CDK14: variants seen among roughly 807,000 people sequenced by gnomAD.
The protein encoded by CDK14 is cyclin dependent kinase 14.
Under a neutral mutation model 60.7 loss-of-function variants are expected in CDK14, and 34 were observed. That is an observed-to-expected ratio of 0.56 (90% confidence interval 0.43 to 0.75). The LOEUF (loss-of-function observed/expected upper bound fraction) is 0.75, where lower values mean the gene tolerates loss of function less well. Ranked by LOEUF, CDK14 falls within the 30% of genes least tolerant of loss-of-function variation. CDK14 has a pLI of 0.00. For synonymous variants in CDK14, 197 were observed against 203.7 expected (o/e 0.97, Z 0.28); for missense variants, 482 against 564.1 (o/e 0.85, Z 1.47).
At chr7:91,062,365 C>T (rs961769205) in intron 11 of CDK14, among the ~76,000 whole-genome samples, 1 of 152,192 alleles carries the variant, frequency 6.6e-6, no homozygotes, top group Non-Finnish European at 1.5e-5. Context: ...GGTGATGCCT[C>T]TACCTGCTTC....
chr7:91,014,971 C>A (rs2115837420), intron 10 of CDK14, among the ~76,000 whole-genome samples: 1 of 152,260 alleles, frequency 6.6e-6, no homozygotes, highest in Admixed American at 6.5e-5. Context: ...GTCTTTGAAA[C>A]CTATGTCCAT....
intron 5 of CDK14, among the ~76,000 whole-genome samples, chr7:90,826,049 T>C (rs986452306): frequency 1.3e-5 from 2 of 152,158 alleles, no homozygotes; most frequent in Admixed American, 6.5e-5. Context: ...GCCAATTAAT[T>C]CCAGCTGTTG....
intron 2 of CDK14, among the ~76,000 whole-genome samples, chr7:90,634,078 A>T (rs1800071728): frequency 1.3e-5 from 2 of 152,126 alleles, no homozygotes; most frequent in South Asian, 4.2e-4. Flanking sequence ...TTTATGGTTA[A>T]TATGCATAGA....
chr7:90,775,838 T>C (rs1347673465), intron 4 of CDK14, among the ~76,000 whole-genome samples: 5 of 151,212 alleles, frequency 3.3e-5, no homozygotes, highest in African/African-American at 1.2e-4. Flanking sequence ...TTATTTGGTG[T>C]TTGTTTGCCT....
intron 14 of CDK14, among the ~76,000 whole-genome samples, chr7:91,171,927 A>C: frequency 6.6e-6 from 1 of 152,206 alleles, no homozygotes; most frequent in Admixed American, 6.5e-5. Flanking sequence ...GATGTGAGCC[A>C]CTGCACCCGG....
At chr7:90,757,527 T>C (rs1804128908) in intron 4 of CDK14, among the ~76,000 whole-genome samples, 1 of 152,192 alleles carries the variant, frequency 6.6e-6, no homozygotes, top group South Asian at 2.1e-4. Context: ...ATTCATCCTT[T>C]ACCTATTGGT....
intron 2 of CDK14, among the ~76,000 whole-genome samples, chr7:90,643,594 G>C (rs1800393109): frequency 6.6e-6 from 1 of 152,170 alleles, no homozygotes; most frequent in South Asian, 2.1e-4. Flanking sequence ...TAAAATATAT[G>C]TGGGGCCCTT....
intron 8 of CDK14, among the ~76,000 whole-genome samples, chr7:90,935,527 A>G (rs1793722457): frequency 6.6e-6 from 1 of 152,244 alleles, no homozygotes; most frequent in African/African-American, 2.4e-5. Context: ...AGATATTAAC[A>G]AAGAGAACTC....
intron 5 of CDK14, among the ~76,000 whole-genome samples, chr7:90,843,081 G>A (rs529410750): frequency 6.6e-6 from 1 of 152,260 alleles, no homozygotes; most frequent in African/African-American, 2.4e-5. Context: ...AGGTACATGA[G>A]ATAAATTTTG....
At chr7:90,761,165 T>C (rs1239510680) in intron 4 of CDK14, among the ~76,000 whole-genome samples, 7 of 152,232 alleles carry the variant, frequency 4.6e-5, no homozygotes, top group African/African-American at 1.7e-4. Flanking sequence ...AACTTTCCTA[T>C]TAGACAGTGT....
At chr7:90,933,922 T>C (rs1793674542) in intron 8 of CDK14, among the ~76,000 whole-genome samples, 1 of 152,200 alleles carries the variant, frequency 6.6e-6, no homozygotes. Context: ...TGGCAATTAT[T>C]TGATTATATT....
chr7:91,102,617 TA>T (rs34219319), intron 12 of CDK14, among the ~76,000 whole-genome samples: 16,027 of 139,866 alleles, frequency 0.11, 1,043 homozygotes, highest in Non-Finnish European at 0.16. Context: ...AACTATAGTG[TA>T]AAAAAAAAAA....
chr7:90,702,398 G>T (rs558588333), intron 2 of CDK14, among the ~76,000 whole-genome samples: 1 of 152,176 alleles, frequency 6.6e-6, no homozygotes, highest in South Asian at 2.1e-4. Context: ...CTCTCACCCA[G>T]TGATACTGAA....
intron 6 of CDK14, 56 bp downstream of exon 6, chr7:90,863,325 T>C (rs1345749458): frequency 1.1e-5 from 11 of 1,021,398 alleles, no homozygotes; most frequent in East Asian, 7.4e-5. Context: ...GAAATTCTTA[T>C]AGTGTTGTCA....
intron 2 of CDK14, among the ~76,000 whole-genome samples, chr7:90,635,667 G>C (rs1031493917): frequency 1.3e-5 from 2 of 152,040 alleles, no homozygotes; most frequent in Admixed American, 1.3e-4. Context: ...CCAATTCTGT[G>C]AAGAAAGTCA....
intron 2 of CDK14, among the ~76,000 whole-genome samples, chr7:90,674,430 G>A (rs1454986805): frequency 6.6e-6 from 1 of 152,122 alleles, no homozygotes; most frequent in Non-Finnish European, 1.5e-5. Flanking sequence ...AATCAGTTAG[G>A]GAAGGTGGGA....
intron 3 of CDK14, among the ~76,000 whole-genome samples, chr7:90,746,522 T>A (rs993561777): frequency 1.3e-5 from 2 of 152,238 alleles, no homozygotes; most frequent in Non-Finnish European, 2.9e-5. Context: ...TATATGTATA[T>A]TTATATTGGA....
chr7:91,121,586 A>G (rs1799783811), intron 14 of CDK14, among the ~76,000 whole-genome samples: 1 of 152,228 alleles, frequency 6.6e-6, no homozygotes, highest in Non-Finnish European at 1.5e-5. Flanking sequence ...GGAAAATCTA[A>G]TGAGATGCAT....
At chr7:90,830,778 G>A (rs1208870471) in intron 5 of CDK14, among the ~76,000 whole-genome samples, 3 of 152,108 alleles carry the variant, frequency 2.0e-5, no homozygotes, top group Admixed American at 2.0e-4. Context: ...TTTGCTGCTT[G>A]GAAATTTATT....
Sources: allele counts gnomAD v4.1 joint callset (sites outside exome capture counted in the v4.1 genomes callset), GRCh38; gene constraint gnomAD v4.1.1; transcripts MANE v1.5; gene names NCBI Gene and HGNC (gene_info 2026-07-23, HGNC 2026-07-21).